CACNG5: variants seen among roughly 807,000 people sequenced by gnomAD.
CACNG5 encodes the protein voltage-dependent calcium channel gamma-5 subunit.
Under a neutral mutation model 24.8 loss-of-function variants are expected in CACNG5, and 18 were observed. The observed-to-expected ratio is 0.73, with a 90% CI of 0.50 to 1.08. The LOEUF (loss-of-function observed/expected upper bound fraction) is 1.08, where lower values mean the gene tolerates loss of function less well. Ranked by LOEUF, CACNG5 falls within the 50% of genes least tolerant of loss-of-function variation. CACNG5 has a pLI of 0.00. For synonymous variants in CACNG5, 157 were observed against 149.1 expected, an observed-to-expected ratio of 1.05 and a Z score of -0.39; for missense variants, 349 against 367.9, an observed-to-expected ratio of 0.95 and a Z score of 0.42.
chr17:66,892,433 T>C lies in CACNG5; in HGVS notation c.*7193T>C, dbSNP rs994924686. Among the ~76,000 whole-genome samples the C allele has an allele frequency of 5.3e-5, 8 of 152,248 alleles. No individual in the cohort carries two copies. Among genetic ancestry groups the C allele is most frequent in the Non-Finnish European group, 7.3e-5 (5 of 68,046 alleles). On this transcript the variant is annotated 3_prime_UTR_variant, in exon 6 of 6. Coordinates refer to ENST00000533854, the MANE Select transcript of CACNG5 (RefSeq NM_145811.3). ...AAGCAAGCAGGGATGCAAGCAGGGA[T>C]GATAAATCCTTAGAAATGATCTCAT...
At position 66,893,698 on chromosome 17, in the gene CACNG5, G is replaced by C. The variant is rs559317835; in HGVS notation, c.*8458G>C. On this transcript the variant is annotated 3_prime_UTR_variant, in exon 6 of 6. Coordinates refer to ENST00000533854, the MANE Select transcript of CACNG5 (RefSeq NM_145811.3). ...CAGGGCACCATGGAGCAAATGGCCA[G>C]TGGGTGTGCCATGGCAGGTGAGACC... is the stretch of plus-strand genomic sequence containing the variant. Among the ~76,000 whole-genome samples, 4 of 152,310 alleles carry C rather than the reference G, an allele frequency of 2.6e-5. No homozygotes were observed. The East Asian group carries it at 7.7e-4, about 29-fold the overall frequency.
At chr17:66,843,962 G>A (rs578213523) in intron 1 of CACNG5, among the ~76,000 whole-genome samples, 1 of 146,426 alleles carries the variant, frequency 6.8e-6, no homozygotes, top group Admixed American at 6.8e-5. Flanking sequence ...TTGACTCGGG[G>A]GGAGAGAGCC....
In CACNG5 at chr17:66,886,896, G is replaced by A. The variant is rs537272302; in HGVS notation, c.*1656G>A. On this transcript the variant is annotated 3_prime_UTR_variant, in exon 6 of 6. Transcript: ENST00000533854. ...TTGGCTTGCAGACGGCTACCTTCCC[G>A]CTGTGTCCTCATGTGGTCTGTGTGC... Among the ~76,000 whole-genome samples, 4 of 152,228 alleles carry A rather than the reference G, an allele frequency of 2.6e-5. No homozygotes were observed. The highest frequency in any genetic ancestry group is 1.9e-4 in the East Asian group (1 of 5,174).
intron 1 of CACNG5, among the ~76,000 whole-genome samples, chr17:66,876,493 T>C (rs1977078968): frequency 6.6e-6 from 1 of 152,236 alleles, no homozygotes; most frequent in African/African-American, 2.4e-5. Flanking sequence ...GACACTTAGC[T>C]TCTCTTTTTC....
Position 66,888,361 on chromosome 17 carries a change from G to A in CACNG5, c.*3121G>A, listed in dbSNP as rs190285764. Among the ~76,000 whole-genome samples, 12 of 151,444 alleles carry A rather than the reference G, an allele frequency of 7.9e-5. No homozygotes were observed. The highest frequency in any genetic ancestry group is 1.6e-4 in the Non-Finnish European group (11 of 67,848). On this transcript the variant is annotated 3_prime_UTR_variant, in exon 6 of 6. Transcript: ENST00000533854. ...AGATCGAGACCATCCTGGCTAACAT[G>A]GTGAAACCCTGTCTCTACTAAAAAT...
intron 1 of CACNG5, among the ~76,000 whole-genome samples, chr17:66,848,785 G>A (rs1976671864): frequency 2.0e-5 from 3 of 152,164 alleles, no homozygotes; most frequent in Admixed American, 2.0e-4. Flanking sequence ...GATGCAAGGA[G>A]AAGCCAGGAC....
chr17:66,850,087 TGCA>T lies in CACNG5; in HGVS notation c.-104+14840_-104+14842del, dbSNP rs375865168. Reference sequence around the variant, plus strand: ...GGGTCAGGAGAGGTGAGAAAGCCCCTGCAGCCAGGCTGCCCCTTGGCTCTCAAA... The same window carrying T: ...GGGTCAGGAGAGGTGAGAAAGCCCCTGCCAGGCTGCCCCTTGGCTCTCAAA... On this transcript the variant is annotated intron_variant, in intron 1 of 5. Coordinates refer to ENST00000533854, the MANE Select transcript of CACNG5 (RefSeq NM_145811.3). Among the ~76,000 whole-genome samples the T allele has an allele frequency of 5.0e-3, 761 of 152,356 alleles. 8 individuals are homozygous for T. The highest frequency in any genetic ancestry group is 0.017 in the African/African-American group (726 of 41,592).
rs1306204981 is a variant in CACNG5, at chr17:66,885,129, G to A, written c.717G>A (p.Arg239=). ...GQFLHPDAWV[R]GRSPSDISSE... is the part of the protein sequence containing the mutation. Reference sequence around the variant, plus strand: ...TCCTACACCCAGACGCCTGGGTCAGGGGCCGCAGCCCCTCCGACATCTCCA... The same window carrying A: ...TCCTACACCCAGACGCCTGGGTCAGAGGCCGCAGCCCCTCCGACATCTCCA... The change falls in exon 6 of 6, where the codon AGG becomes AGA. Residue 239 remains arginine (R), a synonymous_variant. Transcript: ENST00000533854. 10 of 1,613,948 alleles carry A rather than the reference G, an allele frequency of 6.2e-6. No individual in the cohort carries two copies. The highest frequency in any genetic ancestry group is 1.1e-5 in the South Asian group (1 of 91,080).
intron 1 of CACNG5, among the ~76,000 whole-genome samples, chr17:66,857,065 GTTTTTTTTTTT>G (rs56153121): frequency 8.1e-4 from 76 of 94,038 alleles, no homozygotes; most frequent in African/African-American, 2.1e-3. Context: ...CAATTTTTAA[GTTTTTTTTTTT>G]TTTTTTTTTT....
In CACNG5 at chr17:66,864,223, G is replaced by A. The variant is rs775163805; in HGVS notation, c.-103-13007G>A. ...GATGAGTTTCAGTCTTTGTGAAGGC[G>A]GATCTATTACTTGCTCACCTAGAGT... On this transcript the variant is annotated intron_variant, in intron 1 of 5. Transcript: ENST00000533854. 2.7e-4 allele frequency among the ~76,000 whole-genome samples: 41 copies of A among 152,290 alleles called. 2 individuals are homozygous for A. Among genetic ancestry groups the A allele is most frequent in the Admixed American group, 1.8e-3 (27 of 15,298 alleles).
At chr17:66,850,131 T>A (rs1251283256) in intron 1 of CACNG5, among the ~76,000 whole-genome samples, 1 of 152,174 alleles carries the variant, frequency 6.6e-6, no homozygotes, top group Non-Finnish European at 1.5e-5. Context: ...GCTGCAAGTG[T>A]ACTCCACCCC....
chr17:66,894,682 A>G lies in CACNG5; in HGVS notation c.*9442A>G, dbSNP rs1321550107. The stretch of plus-strand genomic sequence containing the variant: ...GTTTAATATATATATTTTTGTTTCT[A>G]TGTGCTCCTTAAATGTATATTGTTT... On this transcript the variant is annotated 3_prime_UTR_variant, in exon 6 of 6. Coordinates refer to ENST00000533854, the MANE Select transcript of CACNG5 (RefSeq NM_145811.3). Among the ~76,000 whole-genome samples the G allele has an allele frequency of 6.6e-6, 1 of 151,790 alleles. No individual in the cohort carries two copies. Among genetic ancestry groups the G allele is most frequent in the Non-Finnish European group, 1.5e-5 (1 of 67,966 alleles).
rs1977349153 is a variant in CACNG5 at position 66,891,799 on chromosome 17, A to T, written c.*6559A>T. Among the ~76,000 whole-genome samples the T allele has an allele frequency of 6.6e-6, 1 of 152,176 alleles. No individual in the cohort carries two copies. The highest frequency in any genetic ancestry group is 1.5e-5 in the Non-Finnish European group (1 of 68,020). On this transcript the variant is annotated 3_prime_UTR_variant, in exon 6 of 6. Coordinates refer to ENST00000533854, the MANE Select transcript of CACNG5 (RefSeq NM_145811.3). ...GTAGCAACCACCTTTGAGAAACACG[A>T]TCTGCTGTACCATGACTGGCTTTGA...
At chr17:66,876,505 C>T (rs1159737948) in intron 1 of CACNG5, among the ~76,000 whole-genome samples, 8 of 152,320 alleles carry the variant, frequency 5.3e-5, no homozygotes, top group Non-Finnish European at 7.3e-5. Context: ...CTCTTTTTCT[C>T]GTTCATTGCT....
intron 1 of CACNG5, among the ~76,000 whole-genome samples, chr17:66,861,680 C>T (rs2143074757): frequency 6.6e-6 from 1 of 152,304 alleles, no homozygotes; most frequent in South Asian, 2.1e-4. Flanking sequence ...TCTGTCTACA[C>T]ATATTAACAC....
chr17:66,888,571 TAAAG>T lies in CACNG5; in HGVS notation c.*3337_*3340del, dbSNP rs1191259112. 2.2e-4 allele frequency among the ~76,000 whole-genome samples: 31 copies of T among 142,320 alleles called. No individual in the cohort carries two copies. Among genetic ancestry groups the T allele is most frequent in the African/African-American group, 7.6e-4 (29 of 38,176 alleles). 93.4% of individuals were successfully genotyped at this position (142,320 alleles called of 152,430 possible). ...AAAAAAAAAAAAAAAAAAAAAGAGT[TAAAG>T]AAAGAGGAAAGAACCATGAAAAGTG... is the stretch of plus-strand genomic sequence containing the variant. On this transcript the variant is annotated 3_prime_UTR_variant, in exon 6 of 6. Coordinates refer to ENST00000533854, the MANE Select transcript of CACNG5 (RefSeq NM_145811.3).
At chr17:66,878,756 C>T (rs577194883) in intron 2 of CACNG5, among the ~76,000 whole-genome samples, 26 of 152,280 alleles carry the variant, frequency 1.7e-4, no homozygotes, top group South Asian at 1.5e-3. Flanking sequence ...CTCACACAGG[C>T]GCTTCTCCAG....
At chr17:66,884,175 G>A (rs1433719528) in intron 4 of CACNG5, among the ~76,000 whole-genome samples, 1 of 151,860 alleles carries the variant, frequency 6.6e-6, no homozygotes, top group Non-Finnish European at 1.5e-5. Flanking sequence ...TACAGTGCCA[G>A]GTCCCCATCC....
chr17:66,854,590 A>G (rs1976746436), intron 1 of CACNG5, among the ~76,000 whole-genome samples: 2 of 151,348 alleles, frequency 1.3e-5, no homozygotes, highest in African/African-American at 4.9e-5. Flanking sequence ...GCTACTCAGG[A>G]GGCTGAGGCA....
Sources: gnomAD v4.1 joint callset for allele counts (sites outside exome capture counted in the v4.1 genomes callset) on GRCh38, gnomAD v4.1.1 for gene constraint, MANE v1.5 for transcripts, NCBI Gene and HGNC (gene_info 2026-07-23, HGNC 2026-07-21) for gene names.